TAF1A: variants seen among roughly 807,000 people sequenced by gnomAD.
TAF1A encodes the protein TATA box-binding protein-associated factor RNA polymerase I subunit A.
Under a neutral mutation model 61.6 loss-of-function variants are expected in TAF1A, and 42 were observed. The observed-to-expected ratio is 0.68, with a 90% CI of 0.53 to 0.88. The LOEUF is 0.88. TAF1A is among the 40% of genes least tolerant of loss of function. TAF1A has a pLI of 0.00. For missense variants in TAF1A, 424 were observed against 518.7 expected (o/e 0.82, Z 1.77); for synonymous variants, 179 against 177.7 (o/e 1.01, Z -0.06).
At chr1:222,569,421 G>A (rs778332163) in intron 7 of TAF1A, 89 bp downstream of exon 7, 27 of 1,609,090 alleles carry the variant, frequency 1.7e-5, no homozygotes, top group Non-Finnish European at 2.2e-5. Flanking sequence ...ATTTTCTGTA[G>A]ATGCTATAAA....
chr1:222,582,962 T>G (rs553246483), intron 3 of TAF1A, among the ~76,000 whole-genome samples: 1 of 152,190 alleles, frequency 6.6e-6, no homozygotes, highest in South Asian at 2.1e-4. Flanking sequence ...GGTGGACAGA[T>G]CACTTGAGGC....
intron 5 of TAF1A, among the ~76,000 whole-genome samples, chr1:222,574,627 T>C (rs1473675848): frequency 1.3e-5 from 2 of 152,190 alleles, no homozygotes; most frequent in Non-Finnish European, 1.5e-5. Context: ...GTGACTATCA[T>C]AAAATATTTT....
chr1:222,584,967 T>A (rs1660954464), intron 2 of TAF1A, among the ~76,000 whole-genome samples: 1 of 152,178 alleles, frequency 6.6e-6, no homozygotes, highest in Non-Finnish European at 1.5e-5. Flanking sequence ...GACCAACAGG[T>A]ACTTTACAAA....
chr1:222,588,295 G>A, intron 2 of TAF1A, 148 bp downstream of exon 2: 1 of 954,620 alleles, frequency 1.0e-6, no homozygotes, highest in Non-Finnish European at 1.5e-6. Context: ...AATTCTAAAA[G>A]AAAAAAGATT....
rs573743934 is a variant in TAF1A, at chr1:222,564,622, G to A, written c.895-497C>T. Among the ~76,000 whole-genome samples the A allele has an allele frequency of 5.9e-5, 9 of 152,128 alleles. No homozygotes were observed. In the East Asian group the frequency reaches 1.7e-3, roughly 29 times the overall value. ...GGAACAGTTTACTAAGGTTATATGA[G>A]TAAATATTTTAACAACCTTTCACAC... On this transcript the variant is annotated intron_variant, in intron 7 of 10. Transcript: ENST00000352967.
rs955116055 is a variant in TAF1A, at chr1:222,561,668, G to A, written c.1086-150C>T. ...TATGGCCAAGGCATAACACATGATT[G>A]GCAACAGCAGGAAAGCAAATCCTTT... On this transcript the variant is annotated intron_variant, in intron 9 of 10. Transcript: ENST00000352967. The A allele has an allele frequency of 1.2e-5, 8 of 693,300 alleles. No individual in the cohort carries two copies. The African/African-American group carries it at 1.3e-4, about 11-fold the overall frequency. The allele number at this position is 693,300 out of a possible 1,614,324, so 42.9% of individuals were successfully genotyped here. A position where few individuals can be genotyped will look rare whatever the true frequency, so the allele number is the denominator to read the frequency against.
At chr1:222,554,113 C>T (rs182025013), downstream of TAF1A, among the ~76,000 whole-genome samples, 11 of 152,290 alleles carry the variant, frequency 7.2e-5, no homozygotes, top group African/African-American at 2.4e-4. Context: ...AAGTAGTTAT[C>T]ACTTTTATTT....
chr1:222,583,089 G>A (rs1027283844), intron 3 of TAF1A, among the ~76,000 whole-genome samples: 1 of 152,180 alleles, frequency 6.6e-6, no homozygotes, highest in African/African-American at 2.4e-5. Context: ...AGAGGCTGAG[G>A]TACAAGAATC....
chr1:222,579,642 C>A, intron 4 of TAF1A, 117 bp downstream of exon 4: 4 of 1,224,148 alleles, frequency 3.3e-6, no homozygotes, highest in Non-Finnish European at 4.5e-6. Flanking sequence ...TCTTATTTAT[C>A]CAGAATGTCT....
intron 2 of TAF1A, among the ~76,000 whole-genome samples, chr1:222,585,720 CA>C (rs11327054): frequency 0.86 from 130,285 of 151,932 alleles, 55,946 homozygotes; most frequent in East Asian, 0.93. Flanking sequence ...AGGATATAAA[CA>C]AAAAAAGTAT....
chr1:222,556,838 T>A (rs1347525776), downstream of TAF1A, among the ~76,000 whole-genome samples: 2 of 152,206 alleles, frequency 1.3e-5, no homozygotes, highest in East Asian at 3.8e-4. Flanking sequence ...AGGAAGTAGA[T>A]CTTGGCCTAT....
Position 222,570,618 on chromosome 1 carries a change from G to T in TAF1A, c.652C>A (p.His218Asn), listed in dbSNP as rs775304170. 20 of 1,612,530 alleles carry T rather than the reference G, an allele frequency of 1.2e-5. No individual in the cohort carries two copies. Among genetic ancestry groups the T allele is most frequent in the Non-Finnish European group, 1.7e-5 (20 of 1,178,982 alleles). Reference sequence around the variant, plus strand: ...ATATTTGCAGATGTCTTCCAGCTGTGGTTGAACACATCCTGGGCTACTGCA... The same window carrying T: ...ATATTTGCAGATGTCTTCCAGCTGTTGTTGAACACATCCTGGGCTACTGCA... ...YNAVAQDVFN[H>N]SWKTSANISA... is the part of the protein sequence containing the mutation. The change falls in exon 6 of 11, where the codon CAC becomes AAC. Residue 218 changes from histidine (H) to asparagine (N), a missense_variant. By Grantham distance (68) the His-to-Asn change is moderately conservative. Coordinates refer to ENST00000352967, the MANE Select transcript of TAF1A (RefSeq NM_005681.4).
At chr1:222,587,330 A>T (rs17163275) in intron 2 of TAF1A, among the ~76,000 whole-genome samples, 1 of 152,208 alleles carries the variant, frequency 6.6e-6, no homozygotes, top group South Asian at 2.1e-4. Context: ...TTGACTCCTG[A>T]TACCACTTAA....
At chr1:222,568,170 C>A (rs3002135) in intron 7 of TAF1A, among the ~76,000 whole-genome samples, 3 of 146,120 alleles carry the variant, frequency 2.1e-5, no homozygotes, top group Admixed American at 6.8e-5. Flanking sequence ...TAAAACTATA[C>A]AACACATCTA....
intron 4 of TAF1A, 145 bp downstream of exon 4, chr1:222,579,614 C>T: frequency 1.0e-6 from 1 of 984,226 alleles, no homozygotes; most frequent in South Asian, 1.7e-5. Context: ...TCTCATAACG[C>T]TCTTTTCTTT....
downstream of TAF1A, among the ~76,000 whole-genome samples, chr1:222,554,109 T>A (rs796478939): frequency 6.6e-6 from 1 of 152,344 alleles, no homozygotes; most frequent in African/African-American, 2.4e-5. Context: ...ACGAAAGTAG[T>A]TATCACTTTT....
chr1:222,564,079 T>C lies in TAF1A; in HGVS notation c.941A>G (p.His314Arg), dbSNP rs370356570. The C allele has an allele frequency of 8.3e-6, 13 of 1,557,352 alleles. No homozygotes were observed. The highest frequency in any genetic ancestry group is 1.1e-5 in the Non-Finnish European group (13 of 1,132,362). Residue 314 changes from histidine (H) to arginine (R), a missense_variant, in exon 8 of 11, where the codon CAT (histidine) becomes CGT (arginine). His to Arg is a conservative substitution (Grantham distance 29, BLOSUM62 0). Transcript: ENST00000352967. ...ATTACCTGATTTTCTAAGTAATGTA[T>C]GGAATTCCAACATCAATTTATGAGA... The part of the protein sequence containing the change: ...VPSHKLMLEF[H>R]TLLRKSEKEE...
chr1:222,574,331 T>C (rs1660482586), intron 5 of TAF1A, among the ~76,000 whole-genome samples: 1 of 152,190 alleles, frequency 6.6e-6, no homozygotes, highest in Non-Finnish European at 1.5e-5. Context: ...AATTGGCTGA[T>C]ATGAAAACTC....
At chr1:222,583,296 T>C (rs1402390684) in intron 3 of TAF1A, among the ~76,000 whole-genome samples, 2 of 151,840 alleles carry the variant, frequency 1.3e-5, no homozygotes, top group African/African-American at 2.4e-5. Context: ...TTTGGTTTCA[T>C]GGGAGAAAAA....
Sources: allele counts gnomAD v4.1 joint callset (sites outside exome capture counted in the v4.1 genomes callset), GRCh38; gene constraint gnomAD v4.1.1; transcripts MANE v1.5; gene names NCBI Gene and HGNC (gene_info 2026-07-23, HGNC 2026-07-21).